Variants in YIPF4 observed in about 807,000 individuals in gnomAD.
YIPF4 encodes the protein protein YIPF4.
Under a neutral mutation model 29.4 loss-of-function variants are expected in YIPF4, and 18 were observed. That is an observed-to-expected ratio of 0.61 (90% CI 0.42 to 0.91). The LOEUF is 0.91. Ranked by LOEUF, YIPF4 falls within the 40% of genes least tolerant of loss-of-function variation. The pLI, the probability that YIPF4 is intolerant of heterozygous loss-of-function variation, is 0.00. For missense variants in YIPF4, 279 were observed against 282.7 expected (o/e 0.99, Z 0.09); for synonymous variants, 115 against 104.7 (o/e 1.10, Z -0.60).
At position 32,310,231 on chromosome 2, in the gene YIPF4, C is replaced by T. The variant is rs1237666315; in HGVS notation, c.*4605C>T. On this transcript the variant is annotated 3_prime_UTR_variant, in exon 6 of 6. Transcript: ENST00000238831. ...TGAATTACAGCCAGGCATGGTGGCT[C>T]ATGCCTGTAATCCCAGAACTTTGGG... is the stretch of plus-strand genomic sequence containing the variant. The T allele has an allele frequency of 6.6e-6, 1 of 152,124 alleles. No individual in the cohort carries two copies. The highest frequency in any genetic ancestry group is 1.5e-5 in the Non-Finnish European group (1 of 68,036). 9.4% of individuals were successfully genotyped at this position (152,124 alleles called of 1,614,324 possible). A position where few individuals can be genotyped will look rare whatever the true frequency, so the allele number is the denominator to read the frequency against.
chr2:32,306,040 G>C lies in YIPF4; in HGVS notation c.*414G>C, dbSNP rs1573545537. 7.8e-6 allele frequency: 7 copies of C among 894,050 alleles called. 2 individuals are homozygous for C. In the Admixed American group the frequency reaches 4.4e-4, roughly 56 times the overall value. The allele number at this position is 894,050 out of a possible 1,614,324, so 55.4% of individuals were successfully genotyped here. Reference sequence around the variant, plus strand: ...TTTCTCCAGCATCACAGATCCTGCAGATATATATTTATATTTATACATATA... The same window carrying C: ...TTTCTCCAGCATCACAGATCCTGCACATATATATTTATATTTATACATATA... On this transcript the variant is annotated 3_prime_UTR_variant, in exon 6 of 6. Transcript: ENST00000238831.
chr2:32,288,831 A>G (rs1185250101), intron 1 of YIPF4, among the ~76,000 whole-genome samples: 3 of 151,872 alleles, frequency 2.0e-5, no homozygotes, highest in Non-Finnish European at 4.4e-5. Context: ...TTAGCCGGGC[A>G]TGGTTGTGTG....
intron 1 of YIPF4, among the ~76,000 whole-genome samples, chr2:32,288,870 G>C (rs2030795430): frequency 6.6e-6 from 1 of 152,056 alleles, no homozygotes; most frequent in Admixed American, 6.6e-5. Context: ...AGGAGGCTGG[G>C]GCAGGAGAAT....
At chr2:32,287,243 A>G (rs1284012236) in intron 1 of YIPF4, among the ~76,000 whole-genome samples, 1 of 152,140 alleles carries the variant, frequency 6.6e-6, no homozygotes, top group African/African-American at 2.4e-5. Flanking sequence ...TGTCTCTAAA[A>G]TAAATAAAAT....
At chr2:32,294,863 G>C (rs898141313) in intron 3 of YIPF4, among the ~76,000 whole-genome samples, 2 of 152,242 alleles carry the variant, frequency 1.3e-5, no homozygotes, top group African/African-American at 4.8e-5. Flanking sequence ...TTAGGAGCTG[G>C]AGACCAGCCC....
intron 1 of YIPF4, among the ~76,000 whole-genome samples, chr2:32,282,845 G>C (rs1390018686): frequency 6.6e-6 from 1 of 152,042 alleles, no homozygotes; most frequent in Admixed American, 6.5e-5. Context: ...GGGAGGCCGA[G>C]GTGGGCGGAT....
chr2:32,310,050 T>C lies in YIPF4; in HGVS notation c.*4424T>C, dbSNP rs2031686440. 1 of 152,230 alleles carries C rather than the reference T, an allele frequency of 6.6e-6. No homozygotes were observed. The highest frequency in any genetic ancestry group is 2.4e-5 in the African/African-American group (1 of 41,454). 9.4% of individuals were successfully genotyped at this position (152,230 alleles called of 1,614,324 possible). On this transcript the variant is annotated 3_prime_UTR_variant, in exon 6 of 6. Transcript: ENST00000238831. ...ATTCTTTCAGACTGTGGTATGGCAT[T>C]CTGAAGCAAGTCTTAACAGAGCTAA...
intron 1 of YIPF4, among the ~76,000 whole-genome samples, chr2:32,288,768 C>G (rs779699386): frequency 9.9e-5 from 15 of 152,154 alleles, no homozygotes; most frequent in Non-Finnish European, 1.9e-4. Flanking sequence ...CGAGATTGCC[C>G]CACTGCACTC....
chr2:32,303,693 C>A (rs531214863), intron 5 of YIPF4, among the ~76,000 whole-genome samples: 79 of 152,214 alleles, frequency 5.2e-4, no homozygotes, highest in Middle Eastern at 3.4e-3. Context: ...CAATAAAAAC[C>A]CAAATTGTAA....
chr2:32,305,411 C>T (rs2031542704), intron 5 of YIPF4, 78 bp from the exon 6 acceptor site: 3 of 1,370,426 alleles, frequency 2.2e-6, no homozygotes, highest in South Asian at 2.0e-5. Flanking sequence ...TTGTAAACAC[C>T]ATTTTTACTC....
At chr2:32,297,444 C>CT (rs902704756) in intron 3 of YIPF4, among the ~76,000 whole-genome samples, 16 of 151,830 alleles carry the variant, frequency 1.1e-4, no homozygotes, top group Middle Eastern at 3.2e-3. Context: ...AGAAGTCCTA[C>CT]TTCCTTTAAT....
At chr2:32,296,101 C>T (rs536333760) in intron 3 of YIPF4, among the ~76,000 whole-genome samples, 9 of 152,318 alleles carry the variant, frequency 5.9e-5, no homozygotes, top group Non-Finnish European at 1.0e-4. Context: ...GGACTCTGGT[C>T]TCCTACCTAC....
At chr2:32,295,063 AG>A (rs71407441) in intron 3 of YIPF4, among the ~76,000 whole-genome samples, 1 of 68,912 alleles carries the variant, frequency 1.5e-5, no homozygotes, top group Non-Finnish European at 2.9e-5. Context: ...GGGGAGGGGG[AG>A]GGGGAGGGCC....
chr2:32,280,304 A>AT (rs1047693819), intron 1 of YIPF4, among the ~76,000 whole-genome samples: 3 of 145,276 alleles, frequency 2.1e-5, no homozygotes, highest in African/African-American at 5.1e-5. Flanking sequence ...ATTTTTTTGT[A>AT]TTTTTTTAGT....
At chr2:32,279,106 T>C (rs1325079374) in intron 1 of YIPF4, among the ~76,000 whole-genome samples, 1 of 151,720 alleles carries the variant, frequency 6.6e-6, no homozygotes, top group Non-Finnish European at 1.5e-5. Context: ...TAGCTGGGGC[T>C]ACAGGCACCC....
chr2:32,298,877 A>T (rs758244224), intron 4 of YIPF4, among the ~76,000 whole-genome samples: 1 of 151,356 alleles, frequency 6.6e-6, no homozygotes. Context: ...TTATTTATTT[A>T]TTATTATTAT....
chr2:32,289,244 G>A (rs1215293162), intron 1 of YIPF4, among the ~76,000 whole-genome samples: 2 of 152,166 alleles, frequency 1.3e-5, no homozygotes, highest in Non-Finnish European at 2.9e-5. Flanking sequence ...CTAGGGCCCG[G>A]AAAACATGAA....
chr2:32,286,650 A>G (rs999168834), intron 1 of YIPF4, among the ~76,000 whole-genome samples: 2 of 151,926 alleles, frequency 1.3e-5, no homozygotes, highest in Non-Finnish European at 2.9e-5. Flanking sequence ...GGCTCAAGTG[A>G]TTCTCCTGCC....
chr2:32,304,371 A>C (rs933201126), intron 5 of YIPF4, among the ~76,000 whole-genome samples: 2 of 151,692 alleles, frequency 1.3e-5, no homozygotes, highest in African/African-American at 4.8e-5. Flanking sequence ...TATTTTATAT[A>C]TTTCCCTGTA....
Sources: gnomAD v4.1 joint callset for allele counts (sites outside exome capture counted in the v4.1 genomes callset) on GRCh38, gnomAD v4.1.1 for gene constraint, MANE v1.5 for transcripts, NCBI Gene and HGNC (gene_info 2026-07-23, HGNC 2026-07-21) for gene names.